The following IFT140 variants were observed in gnomAD, a reference collection of about 807,000 sequenced individuals.
IFT140 encodes intraflagellar transport protein 140 homolog.
In IFT140, 133 loss-of-function variants were observed where a neutral mutation model predicts 164.6. The observed-to-expected ratio is 0.81, with a 90% CI of 0.70 to 0.93. The LOEUF (loss-of-function observed/expected upper bound fraction) is 0.93, where lower values mean the gene tolerates loss of function less well. IFT140 is among the 40% of genes least tolerant of loss of function. The pLI is 0.00. For synonymous variants in IFT140, 860 were observed against 817.3 expected, an observed-to-expected ratio of 1.05 and a Z score of -0.89; for missense variants, 2,045 against 1,972.3, an observed-to-expected ratio of 1.04 and a Z score of -0.70.
At chr16:1,611,934 G>A (rs191970423) in intron 1 of IFT140, 34 bp downstream of exon 1, 1 of 152,248 alleles carries the variant, frequency 6.6e-6, no homozygotes, top group Admixed American at 6.5e-5. Flanking sequence ...TAGCGCAGAA[G>A]CACATACTCC....
intron 13 of IFT140, chr16:1,580,405 G>C (rs777425792): frequency 1.6e-4 from 29 of 184,822 alleles, no homozygotes; most frequent in Non-Finnish European, 2.9e-4. Context: ...CAGTTTCCTA[G>C]TGTGTTCTGT....
intron 19 of IFT140, 62 bp downstream of exon 19, chr16:1,557,873 G>C: frequency 6.6e-7 from 1 of 1,514,980 alleles, no homozygotes; most frequent in Non-Finnish European, 9.1e-7. Context: ...GGCAAACAGG[G>C]AGAAAGGAAA....
rs1199702105 is a variant in IFT140 at position 1,533,122 on chromosome 16, A to G, written c.2400-6326T>C. 2 of 150,538 alleles carry G rather than the reference A, an allele frequency of 1.3e-5. No homozygotes were observed. Among genetic ancestry groups the G allele is most frequent in the South Asian group, 2.1e-4 (1 of 4,810 alleles). The allele number at this position is 150,538 out of a possible 1,614,324, so 9.3% of individuals were successfully genotyped here. ...CCTGGCCCCAAGGCCCTCCAAGTACAGGTCCCTGGCCCCGAGGTCCTCCAA... is the reference window on the plus strand; with the variant it reads ...CCTGGCCCCAAGGCCCTCCAAGTACGGGTCCCTGGCCCCGAGGTCCTCCAA... On this transcript the variant is annotated intron_variant, in intron 19 of 30. Coordinates refer to ENST00000426508, the MANE Select transcript of IFT140 (RefSeq NM_014714.4). The surrounding 1 kb of genome is among the most constrained non-coding windows in gnomAD (Gnocchi z 4.7).
chr16:1,573,139 G>A (rs2034107521), intron 13 of IFT140, among the ~76,000 whole-genome samples: 1 of 152,218 alleles, frequency 6.6e-6, no homozygotes, highest in Non-Finnish European at 1.5e-5. Flanking sequence ...CAGGGTGGGA[G>A]TATTCCAAGC....
chr16:1,538,030 G>A (rs926290473), intron 19 of IFT140, among the ~76,000 whole-genome samples: 2 of 152,222 alleles, frequency 1.3e-5, no homozygotes, highest in Admixed American at 6.5e-5. Flanking sequence ...GCCACGCAGA[G>A]CCACGCAGAG....
At chr16:1,588,099 C>A in intron 7 of IFT140, 75 bp from the exon 8 acceptor site, 1 of 1,220,202 alleles carries the variant, frequency 8.2e-7, no homozygotes, top group South Asian at 1.3e-5. Context: ...AGCCTGGAGT[C>A]TCTGGTCCTC....
intron 13 of IFT140, among the ~76,000 whole-genome samples, chr16:1,573,666 T>C (rs1233971188): frequency 6.6e-6 from 1 of 152,106 alleles, no homozygotes; most frequent in Non-Finnish European, 1.5e-5. Context: ...TAGCCACCCA[T>C]CATGCAACTA....
intron 30 of IFT140, among the ~76,000 whole-genome samples, chr16:1,517,317 T>A (rs2141130106): frequency 6.9e-6 from 1 of 144,946 alleles, no homozygotes; most frequent in Non-Finnish European, 1.5e-5. Flanking sequence ...GCCACTGCGC[T>A]CCAGCCTGGG....
intron 19 of IFT140, among the ~76,000 whole-genome samples, chr16:1,543,589 T>C (rs2031862435): frequency 6.6e-6 from 1 of 152,238 alleles, no homozygotes; most frequent in East Asian, 1.9e-4. Flanking sequence ...TAAACTAACG[T>C]GAGCCTCTGC....
Position 1,524,801 on chromosome 16 carries a change from G to A in IFT140, c.2980C>T (p.Gln994Ter). ...GACCTTACCTTCTGGACATTGCCCT[G>A]GAAGCAGTGGATGCGGACCAGGGAG... ...HFSLVRIHCF[Q>*]GNVQKAAQIA... is the part of the protein sequence containing the mutation. Residue 994 changes from glutamine to a stop codon, truncating the protein, a stop_gained, in exon 23 of 31, where the codon CAG becomes TAG. Transcript: ENST00000426508. LOFTEE classifies it high-confidence loss of function. The A allele has an allele frequency of 6.2e-7, 1 of 1,610,330 alleles. No individual in the cohort carries two copies. Among genetic ancestry groups the A allele is most frequent in the Non-Finnish European group, 8.5e-7 (1 of 1,177,136 alleles).
intron 10 of IFT140, among the ~76,000 whole-genome samples, chr16:1,585,928 G>A (rs556667049): frequency 4.6e-5 from 7 of 151,994 alleles, no homozygotes; most frequent in East Asian, 1.9e-4. Flanking sequence ...CCGCCACCAC[G>A]CCCGGCTAAT....
At chr16:1,563,286 C>T (rs2033520447) in intron 17 of IFT140, among the ~76,000 whole-genome samples, 1 of 151,416 alleles carries the variant, frequency 6.6e-6, no homozygotes, top group African/African-American at 2.4e-5. Flanking sequence ...TCAACACTGA[C>T]TGCAGATAAC....
At chr16:1,517,586 A>G (rs1180081350) in intron 30 of IFT140, among the ~76,000 whole-genome samples, 1 of 152,194 alleles carries the variant, frequency 6.6e-6, no homozygotes, top group Admixed American at 6.5e-5. Context: ...ACGCTAGAAC[A>G]CTGCGGCTGA....
intron 19 of IFT140, among the ~76,000 whole-genome samples, chr16:1,544,925 A>C (rs8056892): frequency 6.6e-6 from 1 of 152,086 alleles, no homozygotes; most frequent in Non-Finnish European, 1.5e-5. Flanking sequence ...TGGGATTACA[A>C]GCGTGAGCCA....
chr16:1,526,739 C>T lies in IFT140; in HGVS notation c.2457G>A (p.Val819=). The T allele has an allele frequency of 6.2e-7, 1 of 1,609,864 alleles. No homozygotes were observed. Among genetic ancestry groups the T allele is most frequent in the Non-Finnish European group, 8.5e-7 (1 of 1,178,980 alleles). Residue 819 remains valine (V), a synonymous_variant, in exon 20 of 31, where the codon GTG becomes GTA. Transcript: ENST00000426508. ...RMCVKTQRLD[V]AKVCLGNMGH... ...CCATGTTCCCCAGGCACACCTTGGCCACGTCCAGCCGCTGGGTCTTCACGC... is the reference window on the plus strand; with the variant it reads ...CCATGTTCCCCAGGCACACCTTGGCTACGTCCAGCCGCTGGGTCTTCACGC...
chr16:1,554,790 C>T (rs755789905), intron 19 of IFT140: 1 of 1,614,160 alleles, frequency 6.2e-7, no homozygotes, highest in East Asian at 2.2e-5. Context: ...AGGTTTTGTC[C>T]TGGTCATCGG....
chr16:1,583,653 C>T (rs1042458154), intron 11 of IFT140, among the ~76,000 whole-genome samples: 1 of 151,158 alleles, frequency 6.6e-6, no homozygotes, highest in African/African-American at 2.4e-5. Context: ...GAAAGTATCC[C>T]TCTCTTTCCT....
intron 19 of IFT140, among the ~76,000 whole-genome samples, chr16:1,535,380 G>A (rs566232222): frequency 1.1e-3 from 164 of 152,296 alleles, no homozygotes; most frequent in African/African-American, 3.6e-3. Flanking sequence ...CAACAGTCAC[G>A]GCACAGGGAC....
intron 19 of IFT140, among the ~76,000 whole-genome samples, chr16:1,528,109 C>A (rs559330040): frequency 4.7e-4 from 71 of 152,264 alleles, no homozygotes; most frequent in African/African-American, 1.5e-3. Flanking sequence ...CCAGGGAGAT[C>A]CCGCCCCAAG....
Sources: gnomAD v4.1 joint callset for allele counts (sites outside exome capture counted in the v4.1 genomes callset) on GRCh38, gnomAD v4.1.1 for gene constraint, Gnocchi (gnomAD v3.1) non-coding constraint, MANE v1.5 for transcripts, NCBI Gene and HGNC (gene_info 2026-07-23, HGNC 2026-07-21) for gene names.